ZNF609: variants seen among roughly 807,000 people sequenced by gnomAD.
ZNF609 encodes zinc finger protein 609.
A neutral mutation model predicts 109.5 loss-of-function variants in ZNF609; 11 were observed. That is an observed-to-expected ratio of 0.10 (90% CI 0.06 to 0.17). The LOEUF (loss-of-function observed/expected upper bound fraction) is 0.17, where lower values mean the gene tolerates loss of function less well. Among genes scored for constraint, ZNF609 ranks in the 10% least tolerant of loss-of-function variants. The pLI is 1.00. For missense variants in ZNF609, 1,559 were observed against 1,772.4 expected, an observed-to-expected ratio of 0.88 and a Z score of 2.16; for synonymous variants, 646 against 662.0, an observed-to-expected ratio of 0.98 and a Z score of 0.37.
At chr15:64,671,740 A>G (rs1171018101) in intron 4 of ZNF609, among the ~76,000 whole-genome samples, 1 of 152,202 alleles carries the variant, frequency 6.6e-6, no homozygotes, top group East Asian at 1.9e-4. Context: ...TGCAATTCCC[A>G]TGCAGTCACA....
chr15:64,622,884 G>A lies in ZNF609; in HGVS notation c.805G>A (p.Val269Ile), dbSNP rs763550680. 1.9e-6 allele frequency: 3 copies of A among 1,614,060 alleles called. No homozygotes were observed. Among genetic ancestry groups the A allele is most frequent in the African/African-American group, 2.7e-5 (2 of 74,942 alleles). Reference sequence around the variant, plus strand: ...GCCAATACACCTTTTGGTGCCAGTGGTCAACAATGACATCTCATCTCCCTG... The same window carrying A: ...GCCAATACACCTTTTGGTGCCAGTGATCAACAATGACATCTCATCTCCCTG... Reference protein sequence around the residue: ...VLPIHLLVPVVNNDISSPCEQ... With the variant: ...VLPIHLLVPVINNDISSPCEQ... The change falls in exon 3 of 10, where the codon GTC (valine) becomes ATC (isoleucine). Residue 269 changes from valine (V) to isoleucine (I), a missense_variant. Transcript: ENST00000326648.
At chr15:64,602,657 C>T (rs1171736653) in intron 2 of ZNF609, among the ~76,000 whole-genome samples, 1 of 151,726 alleles carries the variant, frequency 6.6e-6, no homozygotes. Context: ...CTGTCTTACC[C>T]AGCAAGCTCA....
chr15:64,660,511 G>A (rs1474512710), intron 3 of ZNF609, among the ~76,000 whole-genome samples: 1 of 152,138 alleles, frequency 6.6e-6, no homozygotes. Flanking sequence ...TCTACTATAA[G>A]AGTTGAGAAG....
chr15:64,607,132 G>A (rs1895614948), intron 2 of ZNF609, among the ~76,000 whole-genome samples: 1 of 151,180 alleles, frequency 6.6e-6, no homozygotes, highest in Admixed American at 6.6e-5. Flanking sequence ...CAATAAGAGT[G>A]ACACTCCATA....
chr15:64,529,087 G>T, intron 2 of ZNF609: 1 of 1,000,882 alleles, frequency 1.0e-6, no homozygotes, highest in South Asian at 1.3e-5. Context: ...GCCATCACGT[G>T]ACAGTTTCCC....
chr15:64,656,808 T>C (rs1896495302), intron 3 of ZNF609, among the ~76,000 whole-genome samples: 1 of 151,660 alleles, frequency 6.6e-6, no homozygotes, highest in African/African-American at 2.4e-5. Flanking sequence ...TCCTCTTTCT[T>C]TAGATCCAGC....
chr15:64,539,182 A>G (rs1040164455), intron 2 of ZNF609, among the ~76,000 whole-genome samples: 3 of 127,250 alleles, frequency 2.4e-5, no homozygotes, highest in Non-Finnish European at 3.2e-5. Flanking sequence ...TTATTTATTT[A>G]TTTATTTATT....
At chr15:64,614,810 CTTTTTTTTTTTTT>C (rs71133459) in intron 2 of ZNF609, among the ~76,000 whole-genome samples, 1 of 34,342 alleles carries the variant, frequency 2.9e-5, no homozygotes, top group African/African-American at 8.1e-5. Context: ...TAACATCTCG[CTTTTTTTTTTTTT>C]TTTTTTTTTT....
At chr15:64,533,896 A>G (rs889471416) in intron 2 of ZNF609, among the ~76,000 whole-genome samples, 2 of 152,006 alleles carry the variant, frequency 1.3e-5, no homozygotes, top group Non-Finnish European at 1.5e-5. Context: ...TTGCTTGTTC[A>G]TGTCTGCGTA....
Position 64,499,760 on chromosome 15 carries a change from G to T in ZNF609, c.341G>T (p.Gly114Val), listed in dbSNP as rs554516374. 4.8e-5 allele frequency: 77 copies of T among 1,614,036 alleles called. No individual in the cohort carries two copies. In the East Asian group the frequency reaches 9.6e-4, roughly 20 times the overall value. Residue 114 changes from glycine (G) to valine (V), a missense_variant, in exon 2 of 10, where the codon GGG becomes GTG. By Grantham distance (109) the Gly-to-Val change is moderately radical. Around this residue, in one of 4 missense-constraint regions of ZNF609, gnomAD observed 291 missense variants for 317.8 expected, o/e 0.92. Coordinates refer to ENST00000326648, the MANE Select transcript of ZNF609 (RefSeq NM_015042.2). The part of the protein sequence containing the change: ...PGTSLFTPSE[G>V]AASKKEVQGR... The stretch of plus-strand genomic sequence containing the variant: ...ACTTCCCTGTTCACTCCAAGTGAGG[G>T]GGCAGCTAGCAAGAAAGAGGTGCAG...
At chr15:64,616,840 A>T (rs1321145890) in intron 2 of ZNF609, among the ~76,000 whole-genome samples, 8 of 43,772 alleles carry the variant, frequency 1.8e-4, no homozygotes, top group East Asian at 2.1e-3. Context: ...TTTTTTTTGC[A>T]CTCTGTCGCC....
At chr15:64,573,219 C>A (rs1247993481) in intron 2 of ZNF609, among the ~76,000 whole-genome samples, 7 of 138,854 alleles carry the variant, frequency 5.0e-5, no homozygotes, top group Non-Finnish European at 9.4e-5. Context: ...GGAGTTTGAT[C>A]TTTTTTTTTT....
chr15:64,478,340 A>G lies in ZNF609; in HGVS notation c.-128+17502A>G, dbSNP rs117032452. 6.0e-3 allele frequency among the ~76,000 whole-genome samples: 914 copies of G among 152,032 alleles called. 4 individuals are homozygous for G. Among genetic ancestry groups the G allele is most frequent in the Non-Finnish European group, 9.1e-3 (619 of 68,006 alleles). On this transcript the variant is annotated intron_variant, in intron 1 of 9. Transcript: ENST00000326648. ...CTCAGCCTCCCAGGTAGCTGGGACT[A>G]CAGGCACATGGCACTGCACCTGGCA...
chr15:64,578,974 C>T (rs570851927), intron 2 of ZNF609, among the ~76,000 whole-genome samples: 2 of 151,954 alleles, frequency 1.3e-5, no homozygotes, highest in Non-Finnish European at 1.5e-5. Context: ...TATATTCCAG[C>T]CTGGGTGACA....
intron 3 of ZNF609, among the ~76,000 whole-genome samples, chr15:64,632,969 A>G (rs1361967222): frequency 6.0e-5 from 9 of 150,740 alleles, no homozygotes; most frequent in African/African-American, 2.2e-4. Flanking sequence ...TTTTTTGTAG[A>G]GATGGGGTCT....
At position 64,680,944 on chromosome 15, in the gene ZNF609, A is replaced by G. The variant is rs998807778; in HGVS notation, c.4162+82A>G. The G allele has an allele frequency of 3.5e-5, 52 of 1,486,506 alleles. No homozygotes were observed. The African/African-American group carries it at 4.2e-4, about 12-fold the overall frequency. The allele number at this position is 1,486,506 out of a possible 1,614,324, so 92.1% of individuals were successfully genotyped here. On this transcript the variant is annotated intron_variant, in intron 8 of 9. Coordinates refer to ENST00000326648, the MANE Select transcript of ZNF609 (RefSeq NM_015042.2). Reference sequence around the variant, plus strand: ...CATCCCAGTAGTAATGTCCACAGCTAGGACCCTCCTACCTGCCTCATAAGA... The same window carrying G: ...CATCCCAGTAGTAATGTCCACAGCTGGGACCCTCCTACCTGCCTCATAAGA...
chr15:64,670,050 G>A (rs552855218), intron 3 of ZNF609, among the ~76,000 whole-genome samples: 23 of 152,224 alleles, frequency 1.5e-4, no homozygotes, highest in African/African-American at 4.8e-4. Flanking sequence ...TGGGACGATC[G>A]CTTGAGGCTG....
In ZNF609 at chr15:64,641,219, C is replaced by CTTTTTTTTTTTTTTTTTTT. The variant is rs34007985; in HGVS notation, c.973+18182_973+18183insTTTTTTTTTTTTTTTTTTT. ...TGGGTGTTAGTTACACTTGTGCTTT[C>CTTTTTTTTTTTTTTTTTTT]TTTTTTTTTTTTTTTGAGATGGAGT... On this transcript the variant is annotated intron_variant, in intron 3 of 9. Transcript: ENST00000326648. Among the ~76,000 whole-genome samples, 13 of 69,732 alleles carry CTTTTTTTTTTTTTTTTTTT rather than the reference C, an allele frequency of 1.9e-4. 3 individuals are homozygous for CTTTTTTTTTTTTTTTTTTT. The highest frequency in any genetic ancestry group is 5.3e-4 in the African/African-American group (10 of 18,864). The allele number at this position is 69,732 out of a possible 152,430, so 45.7% of individuals were successfully genotyped here. A position where few individuals can be genotyped will look rare whatever the true frequency, so the allele number is the denominator to read the frequency against.
intron 1 of ZNF609, among the ~76,000 whole-genome samples, chr15:64,479,326 C>T (rs1445334068): frequency 1.4e-5 from 2 of 139,740 alleles, no homozygotes; most frequent in Admixed American, 1.5e-4. Context: ...GAGTCTCGCC[C>T]TGTTGCCCAG....
Sources: gnomAD v4.1 joint callset for allele counts (sites outside exome capture counted in the v4.1 genomes callset) on GRCh38, gnomAD v4.1.1 for gene constraint, gnomAD v4.1.1 regional missense constraint, MANE v1.5 for transcripts, NCBI Gene and HGNC (gene_info 2026-07-23, HGNC 2026-07-21) for gene names.